RET: variants seen among roughly 807,000 people sequenced by gnomAD.
RET encodes the protein ret proto-oncogene.
In RET, 19 loss-of-function variants were observed where a neutral mutation model predicts 118.3. The observed-to-expected ratio is 0.16, with a 90% confidence interval of 0.11 to 0.24. RET has a LOEUF of 0.24. Among genes scored for constraint, RET ranks in the 10% least tolerant of loss-of-function variants. The pLI, the probability that RET is intolerant of heterozygous loss-of-function variation, is 1.00. For missense variants in RET, 1,219 were observed against 1,502.1 expected (o/e 0.81, Z 3.12); for synonymous variants, 597 against 644.1 (o/e 0.93, Z 1.11).
At chr10:43,103,030 G>T (rs928301228) in intron 3 of RET, among the ~76,000 whole-genome samples, 115 of 142,228 alleles carry the variant, frequency 8.1e-4, no homozygotes, top group African/African-American at 2.8e-3. Flanking sequence ...GGCTAGCAGA[G>T]CAAAGGTGGG....
At chr10:43,112,811 G>A (rs2132812035) in intron 8 of RET, 42 bp from the exon 9 acceptor site, 1 of 1,523,728 alleles carries the variant, frequency 6.6e-7, no homozygotes, top group Non-Finnish European at 9.1e-7. Flanking sequence ...GCGTGTGGCG[G>A]GGCTCCCACA....
chr10:43,127,243 C>T lies in RET; in HGVS notation c.3187+521C>T, dbSNP rs1032954491. ...GCAGCCACTGGCCAAGCCTCAGCCC[C>T]AGTCCCAGCCACATGTCCTCCATCA... On this transcript the variant is annotated intron_variant, in intron 19 of 19. Coordinates refer to ENST00000355710, the MANE Select transcript of RET (RefSeq NM_020975.6). 11 of 1,075,838 alleles carry T rather than the reference C, an allele frequency of 1.0e-5. No individual in the cohort carries two copies. The African/African-American group carries it at 1.8e-4, about 18-fold the overall frequency. The allele number at this position is 1,075,838 out of a possible 1,614,324, so 66.6% of individuals were successfully genotyped here.
At chr10:43,084,242 A>T (rs1308179238) in intron 1 of RET, among the ~76,000 whole-genome samples, 1 of 152,260 alleles carries the variant, frequency 6.6e-6, no homozygotes, top group African/African-American at 2.4e-5. Context: ...ATACCTGGAC[A>T]TGAAATCGCT....
chr10:43,106,466 C>A lies in RET; in HGVS notation c.958C>A (p.Pro320Thr). The change falls in exon 5 of 20, where the codon CCC becomes ACC. Residue 320 changes from proline (P) to threonine (T), a missense_variant. Physicochemically the swap from Pro to Thr is conservative, Grantham distance 38. This residue lies in a region of RET where 850 missense variants were observed against 969.6 expected (regional missense o/e 0.88). Coordinates refer to ENST00000355710, the MANE Select transcript of RET (RefSeq NM_020975.6). The surrounding 1 kb of genome is among the most constrained non-coding windows in gnomAD (Gnocchi z 5.1). ...LVRRYTSTLL[P>T]GDTWAQQTFR... ...GAGGCGGTACACAAGCACGCTGCTC[C>A]CCGGGGACACCTGGGCCCAGCAGAC... The A allele has an allele frequency of 6.2e-7, 1 of 1,613,502 alleles. No individual in the cohort carries two copies. The highest frequency in any genetic ancestry group is 1.1e-5 in the South Asian group (1 of 90,972).
At chr10:43,093,638 C>T (rs539458791) in intron 1 of RET, among the ~76,000 whole-genome samples, 120 of 152,246 alleles carry the variant, frequency 7.9e-4, no homozygotes, top group African/African-American at 2.7e-3. Context: ...TGAGCAGCCT[C>T]GGTAGCATCC....
Position 43,111,303 on chromosome 10 carries a change from G to A in RET, c.1360G>A (p.Val454Met), listed in dbSNP as rs1837917806. 1 of 1,614,172 alleles carries A rather than the reference G, an allele frequency of 6.2e-7. No homozygotes were observed. The highest frequency in any genetic ancestry group is 1.1e-5 in the South Asian group (1 of 91,086). Reference protein sequence around the residue: ...SSGANCSTLGVVTSAEDTSGI... With the variant: ...SSGANCSTLGMVTSAEDTSGI... ...TGGTGCCAACTGCAGCACGCTAGGGGTGGTCACCTCAGCCGAGGACACCTC... is the reference window on the plus strand; with the variant it reads ...TGGTGCCAACTGCAGCACGCTAGGGATGGTCACCTCAGCCGAGGACACCTC... The change falls in exon 7 of 20, where the codon GTG becomes ATG. Residue 454 changes from valine to methionine, a missense_variant. Val to Met is a conservative substitution (Grantham distance 21). Transcript: ENST00000355710.
chr10:43,083,127 C>T (rs938431904), intron 1 of RET, among the ~76,000 whole-genome samples: 5 of 152,218 alleles, frequency 3.3e-5, no homozygotes, highest in African/African-American at 9.6e-5. Flanking sequence ...CTCATGGGCG[C>T]TTGGTGACAT....
chr10:43,101,549 G>A (rs73252043), intron 2 of RET, among the ~76,000 whole-genome samples: 1,600 of 152,306 alleles, frequency 0.011, 25 homozygotes, highest in African/African-American at 0.036. Flanking sequence ...GTGGTTCTAC[G>A]CACTTAGTTG....
chr10:43,091,818 CTATCAAAAAAAAAAAAAAAAAAAAAG>C (rs1206555762), intron 1 of RET, among the ~76,000 whole-genome samples: 1,051 of 83,382 alleles, frequency 0.013, 14 homozygotes, highest in African/African-American at 0.059. Context: ...TGGATGTCTA[CTATCAAAAAAAAAAAAAAAAAAAAAG>C]AACCAGTGTT....
At chr10:43,126,746 A>G in intron 19 of RET, 24 bp downstream of exon 19, 1 of 1,613,014 alleles carries the variant, frequency 6.2e-7, no homozygotes, top group Non-Finnish European at 8.5e-7. Flanking sequence ...TGCATTTACT[A>G]GATTCTAGCA....
At chr10:43,089,411 C>G (rs530880867) in intron 1 of RET, among the ~76,000 whole-genome samples, 50 of 152,352 alleles carry the variant, frequency 3.3e-4, no homozygotes, top group African/African-American at 1.0e-3. Flanking sequence ...GGGTGACCAG[C>G]AAGCCATTAG....
Position 43,106,290 on chromosome 10 carries a change from A to G in RET, c.868-86A>G, listed in dbSNP as rs112753528. Reference sequence around the variant, plus strand: ...CTGGTCCACCTATGGGCTGTGTGGGACGTGCAGCATTCTAAGGTCTCTGGT... The same window carrying G: ...CTGGTCCACCTATGGGCTGTGTGGGGCGTGCAGCATTCTAAGGTCTCTGGT... On this transcript the variant is annotated intron_variant, in intron 4 of 19. Transcript: ENST00000355710. This position sits in a 1 kb window ranked among gnomAD's most constrained non-coding sequence, Gnocchi z 5.1. 1.2e-3 allele frequency: 1,502 copies of G among 1,283,708 alleles called. 19 individuals carry two copies. The African/African-American group carries it at 0.02, about 17-fold the overall frequency. The allele number at this position is 1,283,708 out of a possible 1,614,324, so 79.5% of individuals were successfully genotyped here. A position where few individuals can be genotyped will look rare whatever the true frequency, so the allele number is the denominator to read the frequency against.
chr10:43,077,925 G>A (rs1175921407), intron 1 of RET, among the ~76,000 whole-genome samples: 1 of 152,230 alleles, frequency 6.6e-6, no homozygotes, highest in Admixed American at 6.5e-5. Flanking sequence ...TTTCTGGGGT[G>A]GCTCCCCCCG....
At chr10:43,104,703 T>C in intron 3 of RET, 1 of 616,886 alleles carries the variant, frequency 1.6e-6, no homozygotes, top group East Asian at 2.8e-5. Context: ...CCAGCACGAG[T>C]GAGGACGCAG....
intron 16 of RET, 40 bp from the exon 17 acceptor site, chr10:43,123,631 G>A (rs1838266068): frequency 1.2e-6 from 2 of 1,613,674 alleles, no homozygotes; most frequent in Non-Finnish European, 1.7e-6. Flanking sequence ...CTCTGTGAGG[G>A]CCAGGTGGAG....
At position 43,114,888 on chromosome 10, in the gene RET, C is replaced by A. The variant is rs2132859042; in HGVS notation, c.2136+152C>A. ...GTTCTGCCCCCATTTCCATAGGGCG[C>A]TGTGTGGGGACAGTCTGTGGGGTGG... On this transcript the variant is annotated intron_variant, in intron 11 of 19. Coordinates refer to ENST00000355710, the MANE Select transcript of RET (RefSeq NM_020975.6). This position sits in a 1 kb window ranked among gnomAD's most constrained non-coding sequence, Gnocchi z 4.6. 2.4e-6 allele frequency: 2 copies of A among 831,966 alleles called. No individual in the cohort carries two copies. Among genetic ancestry groups the A allele is most frequent in the Non-Finnish European group, 3.7e-6 (2 of 545,412 alleles). 51.5% of individuals were successfully genotyped at this position (831,966 alleles called of 1,614,324 possible). A position where few individuals can be genotyped will look rare whatever the true frequency, so the allele number is the denominator to read the frequency against.
chr10:43,109,154 C>T lies in RET; in HGVS notation c.1187C>T (p.Ser396Leu), dbSNP rs781646869. The stretch of plus-strand genomic sequence containing the variant: ...GTCCTCTTGCTCCACTTCAACGTGT[C>T]GGTGCTGCCGGTCAGCCTGCACCTG... The part of the protein sequence containing the change: ...AGVLLLHFNV[S>L]VLPVSLHLPS... Residue 396 changes from serine (S) to leucine (L), a missense_variant, in exon 6 of 20, where the codon TCG becomes TTG. This residue lies in a region of RET where 850 missense variants were observed against 969.6 expected (regional missense o/e 0.88). Transcript: ENST00000355710. 2.0e-5 allele frequency: 33 copies of T among 1,613,712 alleles called. No individual in the cohort carries two copies. The highest frequency in any genetic ancestry group is 2.5e-5 in the Non-Finnish European group (30 of 1,180,042).
At chr10:43,109,295 A>T in intron 6 of RET, 65 bp downstream of exon 6, 1 of 1,531,126 alleles carries the variant, frequency 6.5e-7, no homozygotes, top group Non-Finnish European at 8.9e-7. Context: ...GGGCACAGGG[A>T]GGCAGGTGAC....
Position 43,103,557 on chromosome 10 carries a change from A to C in RET, c.625+928A>C, listed in dbSNP as rs944005441. ...AGGAAGTGGGGCTCAACCAGGTCAC[A>C]GAGGCTGCACCGCTGGCAAGTGTGT... On this transcript the variant is annotated intron_variant, in intron 3 of 19. Coordinates refer to ENST00000355710, the MANE Select transcript of RET (RefSeq NM_020975.6). Among the ~76,000 whole-genome samples the C allele has an allele frequency of 4.6e-5, 7 of 152,198 alleles. No homozygotes were observed. The East Asian group carries it at 1.2e-3, about 25-fold the overall frequency.
Sources: allele counts gnomAD v4.1 joint callset (sites outside exome capture counted in the v4.1 genomes callset), GRCh38; gene constraint gnomAD v4.1.1; regional missense constraint gnomAD v4.1.1; non-coding constraint Gnocchi (gnomAD v3.1); transcripts MANE v1.5; gene names NCBI Gene and HGNC (gene_info 2026-07-23, HGNC 2026-07-21).